The following ANK3 variants were observed in gnomAD, a reference collection of about 807,000 sequenced individuals.
ANK3 encodes the protein ankyrin-3.
Under a neutral mutation model 370.9 loss-of-function variants are expected in ANK3, and 57 were observed. That is an observed-to-expected ratio of 0.15 (90% CI 0.12 to 0.19). The LOEUF (loss-of-function observed/expected upper bound fraction) is 0.19. Ranked by LOEUF, ANK3 falls within the 10% of genes least tolerant of loss-of-function variation. The probability of loss-of-function intolerance (pLI) is 1.00; values close to 1 mark genes in which losing one functional copy is unlikely to be tolerated. For missense variants in ANK3, 4,439 were observed against 5,302.1 expected, an observed-to-expected ratio of 0.84 and a Z score of 5.06; for synonymous variants, 1,929 against 1,946.3, an observed-to-expected ratio of 0.99 and a Z score of 0.23.
At chr10:60,033,224 G>A (rs944391279) in intron 43 of ANK3, among the ~76,000 whole-genome samples, 3 of 151,946 alleles carry the variant, frequency 2.0e-5, no homozygotes, top group East Asian at 1.9e-4. Flanking sequence ...ACAGGGCCAC[G>A]CACGGTGGCT....
At position 60,166,578 on chromosome 10, in the gene ANK3, A is replaced by G; in HGVS notation, c.2614+13T>C. On this transcript the variant is annotated intron_variant, in intron 23 of 43. Coordinates refer to ENST00000280772, the MANE Select transcript of ANK3 (RefSeq NM_020987.5). Reference sequence around the variant, plus strand: ...AGTAGTTAAGTTTCATCACAATAAAAATTTACAAATACCTTCTTCAACATC... The same window carrying G: ...AGTAGTTAAGTTTCATCACAATAAAGATTTACAAATACCTTCTTCAACATC... 2 of 1,610,594 alleles carry G rather than the reference A, an allele frequency of 1.2e-6. No individual in the cohort carries two copies. Among genetic ancestry groups the G allele is most frequent in the Non-Finnish European group, 1.7e-6 (2 of 1,177,404 alleles).
At chr10:60,486,717 GC>G (rs1457012067) in intron 2 of ANK3, among the ~76,000 whole-genome samples, 4 of 152,084 alleles carry the variant, frequency 2.6e-5, no homozygotes, top group Non-Finnish European at 4.4e-5. Flanking sequence ...GACATTCCAA[GC>G]CATGGAATCT....
intron 23 of ANK3, among the ~76,000 whole-genome samples, chr10:60,159,858 T>C (rs1414570350): frequency 6.6e-6 from 1 of 152,066 alleles, no homozygotes; most frequent in Non-Finnish European, 1.5e-5. Flanking sequence ...ATTTTTAAAA[T>C]TTCTTGAAAC....
intron 1 of ANK3, among the ~76,000 whole-genome samples, chr10:60,315,932 G>C (rs1296202705): frequency 7.2e-5 from 11 of 152,146 alleles, no homozygotes; most frequent in Admixed American, 7.2e-4. Context: ...TATATTTCAG[G>C]AGTGTTTGAA....
At chr10:60,596,214 ATATGTTCTCTT>A (rs1413734844) in intron 2 of ANK3, among the ~76,000 whole-genome samples, 1 of 152,146 alleles carries the variant, frequency 6.6e-6, no homozygotes, top group African/African-American at 2.4e-5. Context: ...TCTACATATT[ATATGTTCTCTT>A]TAATAATTAG....
intron 1 of ANK3, among the ~76,000 whole-genome samples, chr10:60,299,017 A>T (rs1197416451): frequency 6.6e-6 from 1 of 152,192 alleles, no homozygotes; most frequent in African/African-American, 2.4e-5. Context: ...GAGTGATACG[A>T]TTTTTAGGAC....
intron 1 of ANK3, among the ~76,000 whole-genome samples, chr10:60,338,076 C>T (rs1249820006): frequency 6.6e-6 from 1 of 152,140 alleles, no homozygotes; most frequent in Non-Finnish European, 1.5e-5. Context: ...AAAGATGTAC[C>T]TGTGTTCCTG....
At chr10:60,171,866 A>T (rs2095801155) in intron 21 of ANK3, among the ~76,000 whole-genome samples, 1 of 152,230 alleles carries the variant, frequency 6.6e-6, no homozygotes, top group Admixed American at 6.5e-5. Context: ...TTTTTAAAAC[A>T]ATGTAAACAT....
intron 1 of ANK3, among the ~76,000 whole-genome samples, chr10:60,702,296 G>A (rs1362178216): frequency 1.3e-5 from 2 of 151,694 alleles, no homozygotes; most frequent in African/African-American, 4.8e-5. Context: ...GCCAATTGGA[G>A]GCCTATCCAT....
intron 26 of ANK3, among the ~76,000 whole-genome samples, chr10:60,109,819 T>C (rs1346712856): frequency 1.3e-5 from 2 of 152,228 alleles, no homozygotes; most frequent in Non-Finnish European, 2.9e-5. Flanking sequence ...TATAGAACTA[T>C]AAAGAAATTA....
intron 1 of ANK3, among the ~76,000 whole-genome samples, chr10:60,726,798 A>G (rs547430791): frequency 4.6e-5 from 7 of 152,274 alleles, no homozygotes; most frequent in Admixed American, 1.3e-4. Context: ...TGGTATATAA[A>G]TTATATCACA....
chr10:60,311,908 C>G (rs1342576213), intron 1 of ANK3, among the ~76,000 whole-genome samples: 1 of 152,194 alleles, frequency 6.6e-6, no homozygotes, highest in African/African-American at 2.4e-5. Flanking sequence ...TAATCAATTT[C>G]TCACTTATTA....
chr10:60,485,305 T>A (rs2075320967), intron 2 of ANK3, among the ~76,000 whole-genome samples: 1 of 120,996 alleles, frequency 8.3e-6, no homozygotes, highest in Admixed American at 7.8e-5. Context: ...ACCTCCAATT[T>A]TAGGAAGGCT....
chr10:60,559,341 C>T (rs2077282721), intron 2 of ANK3, among the ~76,000 whole-genome samples: 1 of 152,154 alleles, frequency 6.6e-6, no homozygotes, highest in Non-Finnish European at 1.5e-5. Flanking sequence ...TTAACTTCCA[C>T]TTATGAGTGA....
At chr10:60,293,652 A>C (rs2041939680) in intron 1 of ANK3, among the ~76,000 whole-genome samples, 1 of 152,186 alleles carries the variant, frequency 6.6e-6, no homozygotes, top group Non-Finnish European at 1.5e-5. Context: ...ACATACAAAG[A>C]AGGCTAAAAA....
At chr10:60,679,738 G>A (rs751298333) in intron 1 of ANK3, among the ~76,000 whole-genome samples, 14 of 152,092 alleles carry the variant, frequency 9.2e-5, no homozygotes, top group South Asian at 2.1e-4. Context: ...GTTGGACAGC[G>A]CACTTGAATC....
Position 60,493,094 on chromosome 10 carries a change from A to AAAAAG in ANK3, c.96+122087_96+122091dup, listed in dbSNP as rs1567089541. 1.2e-3 allele frequency among the ~76,000 whole-genome samples: 169 copies of AAAAAG among 141,988 alleles called. 1 individual carries two copies. The highest frequency in any genetic ancestry group is 3.6e-3 in the Middle Eastern group (1 of 280). 93.1% of individuals were successfully genotyped at this position (141,988 alleles called of 152,430 possible). A position where few individuals can be genotyped will look rare whatever the true frequency, so the allele number is the denominator to read the frequency against. On this transcript the variant is annotated intron_variant, in intron 2 of 43. Transcript: ENST00000373827. ...GACTCCTTCTCAAAAAAAAAAAAAAAAAAAGAAAAGAAAAGCTGACTGAAT... is the reference window on the plus strand; with the variant it reads ...GACTCCTTCTCAAAAAAAAAAAAAAAAAAAGAAAAGAAAAGAAAAGCTGACTGAAT...
intron 2 of ANK3, among the ~76,000 whole-genome samples, chr10:60,520,295 A>C (rs564540004): frequency 6.6e-6 from 1 of 152,228 alleles, no homozygotes; most frequent in Admixed American, 6.5e-5. Context: ...GAGGAAATCA[A>C]GGGTTGAGAA....
intron 29 of ANK3, among the ~76,000 whole-genome samples, chr10:60,087,303 C>G (rs1257726003): frequency 6.6e-6 from 1 of 152,192 alleles, no homozygotes; most frequent in Non-Finnish European, 1.5e-5. Flanking sequence ...GAGTTAATAA[C>G]AAAATGCATT....
Sources: gnomAD v4.1 joint callset for allele counts (sites outside exome capture counted in the v4.1 genomes callset) on GRCh38, gnomAD v4.1.1 for gene constraint, MANE v1.5 for transcripts, NCBI Gene and HGNC (gene_info 2026-07-23, HGNC 2026-07-21) for gene names.